KIRREL2: variants seen among roughly 807,000 people sequenced by gnomAD.
KIRREL2 encodes the protein kin of IRRE-like protein 2.
KIRREL2 carries 56 observed loss-of-function variants against 73.4 expected under a neutral mutation model. The ratio of observed to expected loss-of-function variants is 0.76; its 90% CI spans 0.62 to 0.95. KIRREL2 has a LOEUF of 0.95. Ranked by LOEUF, KIRREL2 falls within the 40% of genes least tolerant of loss-of-function variation. KIRREL2 has a pLI of 0.00. For synonymous variants in KIRREL2, 407 were observed against 404.0 expected, an observed-to-expected ratio of 1.01 and a Z score of -0.09; for missense variants, 896 against 935.0, an observed-to-expected ratio of 0.96 and a Z score of 0.54.
upstream of KIRREL2, among the ~76,000 whole-genome samples, chr19:35,856,422 G>A (rs1033209522): frequency 5.3e-5 from 8 of 152,212 alleles, no homozygotes; most frequent in Non-Finnish European, 1.2e-4. The surrounding 1 kb of genome is among the most constrained non-coding windows in gnomAD (Gnocchi z 5.9). Flanking sequence ...ATATTTTGAG[G>A]AGGGGTTTTG....
intron 11 of KIRREL2, 46 bp from the exon 12 acceptor site, chr19:35,862,447 T>C: frequency 7.1e-7 from 1 of 1,413,408 alleles, no homozygotes; most frequent in Non-Finnish European, 9.9e-7. Flanking sequence ...CCCCGCTTCC[T>C]GGTTCCCCCT....
chr19:35,866,670 C>A lies in KIRREL2; in HGVS notation c.*178C>A. On this transcript the variant is annotated 3_prime_UTR_variant, in exon 15 of 15. Coordinates refer to ENST00000360202, the MANE Select transcript of KIRREL2 (RefSeq NM_199180.4). ...ACAGTCAGCTCAGCCAAAGGAGATG[C>A]CCCAAGTGGGAGCAACATGGCCACC... 2 of 889,682 alleles carry A rather than the reference C, an allele frequency of 2.2e-6. No individual in the cohort carries two copies. Among genetic ancestry groups the A allele is most frequent in the South Asian group, 1.7e-5 (1 of 60,564 alleles). The allele number at this position is 889,682 out of a possible 1,614,324, so 55.1% of individuals were successfully genotyped here.
At chr19:35,866,104 C>G in intron 14 of KIRREL2, 53 bp from the exon 15 acceptor site, 1 of 1,554,578 alleles carries the variant, frequency 6.4e-7, no homozygotes, top group East Asian at 2.3e-5. Flanking sequence ...ATCAGTGACC[C>G]TCATCCCCCC....
In KIRREL2 at chr19:35,863,027, C is replaced by T. The variant is rs77377154; in HGVS notation, c.1716C>T (p.Arg572=). ...CTGAAGAAGAGGAGACAGGCAGCCG[C>T]GAGGACCGGGTAGGATGCCAGGGTC... ...RGPEEEETGS[R]EDRGPIVHTD... Residue 572 remains arginine, a synonymous_variant, in exon 13 of 15, where the codon CGC becomes CGT. Coordinates refer to ENST00000360202, the MANE Select transcript of KIRREL2 (RefSeq NM_199180.4). 1.7e-5 allele frequency: 27 copies of T among 1,573,802 alleles called. No homozygotes were observed. Among genetic ancestry groups the T allele is most frequent in the East Asian group, 1.6e-4 (7 of 43,854 alleles).
chr19:35,855,379 T>C (rs1466302668), upstream of KIRREL2, among the ~76,000 whole-genome samples: 2 of 151,976 alleles, frequency 1.3e-5, no homozygotes, highest in Admixed American at 6.6e-5. Context: ...CATCTTTCCA[T>C]GTCCGTAGCC....
At chr19:35,851,450 C>T (rs375552437), upstream of KIRREL2, 38 of 1,613,176 alleles carry the variant, frequency 2.4e-5, no homozygotes, top group African/African-American at 4.0e-5. Context: ...AGGCTCTGAT[C>T]CCTTACCTCT....
At chr19:35,864,176 T>TTTGTTG (rs113984862) in intron 13 of KIRREL2, among the ~76,000 whole-genome samples, 45,650 of 148,552 alleles carry the variant, frequency 0.31, 7,198 homozygotes, top group East Asian at 0.44. Context: ...ACAGCCCGTT[T>TTTGTTG]TTGTTGTTGT....
At chr19:35,860,272 T>A in intron 5 of KIRREL2, 25 bp from the exon 6 acceptor site, 2 of 1,601,116 alleles carry the variant, frequency 1.2e-6, no homozygotes, top group Non-Finnish European at 1.7e-6. Flanking sequence ...TCCTTGCCCA[T>A]CTGACCATTG....
At chr19:35,862,785 T>A in intron 12 of KIRREL2, 142 bp from the exon 13 acceptor site, 1 of 686,018 alleles carries the variant, frequency 1.5e-6, no homozygotes, top group Non-Finnish European at 2.6e-6. Context: ...GTCACACTCC[T>A]CGGTGGGAAT....
At position 35,862,556 on chromosome 19, in the gene KIRREL2, T is replaced by A; in HGVS notation, c.1574T>A (p.Val525Asp). The A allele has an allele frequency of 6.2e-7, 1 of 1,610,274 alleles. No homozygotes were observed. The change falls in exon 12 of 15, where the codon GTC becomes GAC. Residue 525 changes from valine to aspartate, a missense_variant. Coordinates refer to ENST00000360202, the MANE Select transcript of KIRREL2 (RefSeq NM_199180.4). ...GCTGCCACCACAACTCTCCTTATGG[T>A]CATCACTGGGGTGGCCCTCTGCTGC... ...VAAATTTLLM[V>D]ITGVALCCWR...
intron 11 of KIRREL2, 129 bp from the exon 12 acceptor site, chr19:35,862,364 C>A (rs1156475416): frequency 4.0e-6 from 3 of 743,874 alleles, no homozygotes; most frequent in Non-Finnish European, 6.9e-6. Flanking sequence ...TGGGGAACCC[C>A]AAATTCAAGG....
intron 14 of KIRREL2, 81 bp downstream of exon 14, chr19:35,864,794 CG>C: frequency 9.3e-7 from 1 of 1,069,578 alleles, no homozygotes; most frequent in Non-Finnish European, 1.4e-6. Context: ...CTCTCTCCCA[CG>C]CCTGTCCCCT....
At position 35,860,347 on chromosome 19, in the gene KIRREL2, G is replaced by A; in HGVS notation, c.724G>A (p.Glu242Lys). Residue 242 changes from glutamate (E) to lysine (K), a missense_variant, in exon 6 of 15, where the codon GAG becomes AAG. Glu to Lys is a moderately conservative substitution (Grantham distance 56). Coordinates refer to ENST00000360202, the MANE Select transcript of KIRREL2 (RefSeq NM_199180.4). ...TTCGCCACACACTGTGCAGGAGGGA[G>A]AGAAGGTCATTTTCCTGTGCCAGGC... ...SASPHTVQEGEKVIFLCQATA... is the reference protein window; with the variant it reads ...SASPHTVQEGKKVIFLCQATA... 6.2e-7 allele frequency: 1 copy of A among 1,614,048 alleles called. No homozygotes were observed. The highest frequency in any genetic ancestry group is 1.1e-5 in the South Asian group (1 of 91,086).
At chr19:35,861,093 C>T (rs1242089338) in intron 8 of KIRREL2, 29 bp from the exon 9 acceptor site, 2 of 1,605,900 alleles carry the variant, frequency 1.2e-6, no homozygotes, top group African/African-American at 1.3e-5. Flanking sequence ...CTTACAAATC[C>T]GGCTTCTGAC....
In KIRREL2 at chr19:35,866,255, C is replaced by G. The variant is rs370417396; in HGVS notation, c.1890C>G (p.Pro630=). Residue 630 remains proline (P), a synonymous_variant, in exon 15 of 15, where the codon CCC becomes CCG. Coordinates refer to ENST00000360202, the MANE Select transcript of KIRREL2 (RefSeq NM_199180.4). The part of the protein sequence containing the change: ...GGGLFLPPPS[P]LGPPGTPTFY... ...GTCTCTTCCTGCCACCACCCTCCCC[C>G]CTTGGGCCCCCAGGGACCCCTACCT... The G allele has an allele frequency of 5.0e-6, 8 of 1,609,380 alleles. No homozygotes were observed. The highest frequency in any genetic ancestry group is 4.5e-5 in the East Asian group (2 of 44,856).
chr19:35,861,486 A>G lies in KIRREL2; in HGVS notation c.1190-55A>G. 1.3e-6 allele frequency: 2 copies of G among 1,572,016 alleles called. 1 individual carries two copies. Among genetic ancestry groups the G allele is most frequent in the Non-Finnish European group, 1.7e-6 (2 of 1,147,192 alleles). On this transcript the variant is annotated intron_variant, in intron 9 of 14. Coordinates refer to ENST00000360202, the MANE Select transcript of KIRREL2 (RefSeq NM_199180.4). The stretch of plus-strand genomic sequence containing the variant: ...CGCTGGACAGACCCGGCTTTGTTAC[A>G]GCCTTTGGGGAGGGCAAGACCTCTC...
chr19:35,856,984 C>A lies in KIRREL2; in HGVS notation c.-136C>A, dbSNP rs981635033. On this transcript the variant is annotated 5_prime_UTR_variant, in exon 1 of 15. Coordinates refer to ENST00000360202, the MANE Select transcript of KIRREL2 (RefSeq NM_199180.4). This position sits in a 1 kb window ranked among gnomAD's most constrained non-coding sequence, Gnocchi z 5.9. The stretch of plus-strand genomic sequence containing the variant: ...GCGGATGAGCAGACTTGGAGGACTC[C>A]AGGCCAGAGACTAGGCTGGGCGAAG... 1 of 902,870 alleles carries A rather than the reference C, an allele frequency of 1.1e-6. No homozygotes were observed. Among genetic ancestry groups the A allele is most frequent in the Non-Finnish European group, 1.8e-6 (1 of 550,300 alleles). The allele number at this position is 902,870 out of a possible 1,614,324, so 55.9% of individuals were successfully genotyped here. A position where few individuals can be genotyped will look rare whatever the true frequency, so the allele number is the denominator to read the frequency against.
At chr19:35,860,032 A>T (rs1303145381) in intron 5 of KIRREL2, among the ~76,000 whole-genome samples, 1 of 152,192 alleles carries the variant, frequency 6.6e-6, no homozygotes, top group Non-Finnish European at 1.5e-5. Flanking sequence ...GACTCCGAGC[A>T]GGAGAGGACA....
chr19:35,851,643 C>G, upstream of KIRREL2: 2 of 1,613,770 alleles, frequency 1.2e-6, no homozygotes, highest in Non-Finnish European at 1.7e-6. Context: ...CCCCGGGGAA[C>G]GGAGGCAGGA....
Sources: allele counts gnomAD v4.1 joint callset (sites outside exome capture counted in the v4.1 genomes callset), GRCh38; gene constraint gnomAD v4.1.1; non-coding constraint Gnocchi (gnomAD v3.1); transcripts MANE v1.5; gene names NCBI Gene and HGNC (gene_info 2026-07-23, HGNC 2026-07-21).